EPG5: variants seen among roughly 807,000 people sequenced by gnomAD.
EPG5 encodes ectopic P granules protein 5 homolog.
EPG5 carries 159 observed loss-of-function variants against 302.7 expected under a neutral mutation model. That is an observed-to-expected ratio of 0.53 (90% CI 0.46 to 0.60). The LOEUF is 0.60. Ranked by LOEUF, EPG5 falls within the 20% of genes least tolerant of loss-of-function variation. EPG5 has a pLI of 0.00. For missense variants in EPG5, 2,896 were observed against 3,092.4 expected (o/e 0.94, Z 1.51); for synonymous variants, 1,158 against 1,136.8 (o/e 1.02, Z -0.37).
At chr18:45,838,662 C>A in the EPG5 span, 1 of 1,469,602 alleles carries the variant, frequency 6.8e-7, no homozygotes, top group South Asian at 1.4e-5. Flanking sequence ...CTCTGGCGTC[C>A]AAAGGGCTAA....
chr18:45,862,394 C>T (rs972525214), intron 39 of EPG5, among the ~76,000 whole-genome samples: 1 of 152,114 alleles, frequency 6.6e-6, no homozygotes, highest in African/African-American at 2.4e-5. Flanking sequence ...ATGATGAGCA[C>T]TTAAGGCCCT....
At chr18:45,904,164 T>G in intron 24 of EPG5, 47 bp from the exon 25 acceptor site, 1 of 1,588,708 alleles carries the variant, frequency 6.3e-7, no homozygotes, top group Non-Finnish European at 8.5e-7. Flanking sequence ...AAGTCATAGA[T>G]TCACATATAA....
At position 45,870,634 on chromosome 18, in the gene EPG5, C is replaced by T; in HGVS notation, c.6158G>A (p.Ser2053Asn). 6.2e-7 allele frequency: 1 copy of T among 1,613,996 alleles called. No homozygotes were observed. The highest frequency in any genetic ancestry group is 8.5e-7 in the Non-Finnish European group (1 of 1,179,962). The change falls in exon 36 of 44, where the codon AGC becomes AAC. Residue 2053 changes from serine (S) to asparagine (N), a missense_variant. Coordinates refer to ENST00000282041, the MANE Select transcript of EPG5 (RefSeq NM_020964.3). ...CTTCCATGGCAGTTTCCGGTACGTGCTATGGAAAGCGTACAGAATGAACTC... is the reference window on the plus strand; with the variant it reads ...CTTCCATGGCAGTTTCCGGTACGTGTTATGGAAAGCGTACAGAATGAACTC... Reference protein sequence around the residue: ...MPEFILYAFHSTYRKLPWKDL... With the variant: ...MPEFILYAFHNTYRKLPWKDL...
chr18:45,920,079 G>GCGT (rs1375213426), intron 16 of EPG5, among the ~76,000 whole-genome samples: 1 of 152,138 alleles, frequency 6.6e-6, no homozygotes, highest in Non-Finnish European at 1.5e-5. Context: ...TGAATCACAG[G>GCGT]CGTCAGTGAG....
intron 4 of EPG5, 61 bp from the exon 5 acceptor site, chr18:45,949,652 G>C: frequency 9.3e-7 from 1 of 1,080,490 alleles, no homozygotes; most frequent in Non-Finnish European, 1.4e-6. Context: ...TTATCTAGGG[G>C]TCTAGTAAAG....
chr18:45,801,288 A>G, the EPG5 span, among the ~76,000 whole-genome samples: 1 of 152,140 alleles, frequency 6.6e-6, no homozygotes, highest in Non-Finnish European at 1.5e-5. Flanking sequence ...TGCCCACTTC[A>G]GCCTCCCAAA....
chr18:45,867,721 A>G lies in EPG5; in HGVS notation c.6253T>C (p.Phe2085Leu), dbSNP rs769470632. 35 of 1,607,344 alleles carry G rather than the reference A, an allele frequency of 2.2e-5. No homozygotes were observed. In the Admixed American group the frequency reaches 6.0e-4, roughly 28 times the overall value. The stretch of plus-strand genomic sequence containing the variant: ...CAGAGTACAGACCCCAAAAATAAGA[A>G]ACAGCTCTTGGGGCTTCCTCGTTCC... ...KVERGSPKSC[F>L]LFLGSVLCEV... The change falls in exon 37 of 44, where the codon TTC becomes CTC. Residue 2085 changes from phenylalanine (F) to leucine (L), a missense_variant. Transcript: ENST00000282041.
intron 36 of EPG5, among the ~76,000 whole-genome samples, chr18:45,868,657 C>T (rs2048802284): frequency 6.6e-6 from 1 of 151,358 alleles, no homozygotes; most frequent in African/African-American, 2.4e-5. Context: ...GCGTGAGCCA[C>T]CGCGCCCGGC....
At chr18:45,924,575 T>C (rs1242606549) in intron 14 of EPG5, among the ~76,000 whole-genome samples, 4 of 152,242 alleles carry the variant, frequency 2.6e-5, no homozygotes, top group Non-Finnish European at 5.9e-5. Context: ...AATCTTCTTA[T>C]GGAAGAGCTA....
chr18:45,954,428 A>C lies in EPG5; in HGVS notation c.974T>G (p.Leu325Arg), dbSNP rs1181548699. 7 of 1,613,146 alleles carry C rather than the reference A, an allele frequency of 4.3e-6. No homozygotes were observed. In the African/African-American group the frequency reaches 9.3e-5, roughly 22 times the overall value. ...TSDCQNAKSR[L>R]WQFKEEQMSV... ...CATTTGTTCCTCCTTAAACTGCCACAGCCGACTTTTAGCATTTTGGCAATC... is the reference window on the plus strand; with the variant it reads ...CATTTGTTCCTCCTTAAACTGCCACCGCCGACTTTTAGCATTTTGGCAATC... Residue 325 changes from leucine to arginine, a missense_variant, in exon 2 of 44, where the codon CTG becomes CGG. This residue lies in a region of EPG5 where 1,390 missense variants were observed against 1,430.0 expected (regional missense o/e 0.97). Coordinates refer to ENST00000282041, the MANE Select transcript of EPG5 (RefSeq NM_020964.3).
intron 39 of EPG5, among the ~76,000 whole-genome samples, chr18:45,864,887 G>GT (rs1284510808): frequency 1.3e-5 from 2 of 152,178 alleles, no homozygotes; most frequent in African/African-American, 4.8e-5. Context: ...GCCAAAACAG[G>GT]TAACTGTCTT....
rs765007711 is a variant in EPG5 at position 45,882,231 on chromosome 18, T to G, written c.5518+43A>C. On this transcript the variant is annotated intron_variant, in intron 31 of 43. Transcript: ENST00000282041. Reference sequence around the variant, plus strand: ...AAGATGAAAAATGTGATATTAAATATTCACTAAGATCTAGTTAGTTACAAT... The same window carrying G: ...AAGATGAAAAATGTGATATTAAATAGTCACTAAGATCTAGTTAGTTACAAT... 5 of 1,436,624 alleles carry G rather than the reference T, an allele frequency of 3.5e-6. No individual in the cohort carries two copies. The South Asian group carries it at 5.8e-5, about 17-fold the overall frequency. The allele number at this position is 1,436,624 out of a possible 1,614,324, so 89.0% of individuals were successfully genotyped here.
At chr18:45,834,764 T>C in the EPG5 span, among the ~76,000 whole-genome samples, 41,483 of 152,164 alleles carry the variant, frequency 0.27, 6,078 homozygotes, top group African/African-American at 0.35. Context: ...GCTGAATTGA[T>C]GAATGCACGA....
chr18:45,966,040 G>A (rs954616137), intron 1 of EPG5, among the ~76,000 whole-genome samples: 1 of 149,874 alleles, frequency 6.7e-6, no homozygotes, highest in African/African-American at 2.5e-5. Flanking sequence ...CAGCCTGGAC[G>A]ACAGAGCGAG....
chr18:45,842,153 C>G, the EPG5 span: 1 of 1,614,168 alleles, frequency 6.2e-7, no homozygotes, highest in Admixed American at 1.7e-5. Flanking sequence ...CAGATGAACC[C>G]CCGGAGCCCA....
chr18:45,912,067 C>T (rs1394800078), intron 22 of EPG5, among the ~76,000 whole-genome samples: 1 of 152,154 alleles, frequency 6.6e-6, no homozygotes, highest in Non-Finnish European at 1.5e-5. Context: ...GTCTTTACTA[C>T]ACTGGTCATG....
At position 45,912,342 on chromosome 18, in the gene EPG5, T is replaced by G. The variant is rs1000037657; in HGVS notation, c.3931A>C (p.Ile1311Leu). Residue 1311 changes from isoleucine (I) to leucine (L), a missense_variant, in exon 22 of 44, where the codon ATT (isoleucine) becomes CTT (leucine). Coordinates refer to ENST00000282041, the MANE Select transcript of EPG5 (RefSeq NM_020964.3). ...TPSDHPLLPL[I>L]WQKFFLLYLH... ...TACAGAAGGAAGAACTTCTGCCAAA[T>G]GAGTGGCAGGAGGGGGTGATCAGAA... 1.2e-6 allele frequency: 2 copies of G among 1,610,258 alleles called. No homozygotes were observed. Among genetic ancestry groups the G allele is most frequent in the Non-Finnish European group, 1.7e-6 (2 of 1,178,790 alleles).
At chr18:45,862,379 A>G (rs1378365519) in intron 39 of EPG5, among the ~76,000 whole-genome samples, 1 of 152,194 alleles carries the variant, frequency 6.6e-6, no homozygotes, top group Non-Finnish European at 1.5e-5. Context: ...CTTTTAAAAA[A>G]GTCTATGATG....
chr18:45,940,173 T>C (rs1248042390), intron 9 of EPG5, among the ~76,000 whole-genome samples: 1 of 152,140 alleles, frequency 6.6e-6, no homozygotes, highest in African/African-American at 2.4e-5. Flanking sequence ...GAGAAGAGTG[T>C]CCACGTAGAA....
Sources: allele counts gnomAD v4.1 joint callset (sites outside exome capture counted in the v4.1 genomes callset), GRCh38; gene constraint gnomAD v4.1.1; regional missense constraint gnomAD v4.1.1; transcripts MANE v1.5; gene names NCBI Gene and HGNC (gene_info 2026-07-23, HGNC 2026-07-21).